Variants in GALNT13 observed in about 807,000 individuals in gnomAD.
GALNT13 encodes the protein UDP-GalNAc:polypeptide N-acetylgalactosaminyltransferase 13.
Under a neutral mutation model 64.2 loss-of-function variants are expected in GALNT13, and 28 were observed. The observed-to-expected ratio is 0.44, with a 90% confidence interval of 0.32 to 0.60. GALNT13 has a LOEUF of 0.60. Among genes scored for constraint, GALNT13 ranks in the 20% least tolerant of loss-of-function variants. The probability of loss-of-function intolerance (pLI) is 0.05; values close to 1 mark genes in which losing one functional copy is unlikely to be tolerated. For missense variants in GALNT13, 577 were observed against 669.8 expected (o/e 0.86, Z 1.53); for synonymous variants, 214 against 224.6 (o/e 0.95, Z 0.42).
intron 3 of GALNT13, among the ~76,000 whole-genome samples, chr2:154,086,618 A>C (rs902633130): frequency 2.0e-5 from 3 of 151,932 alleles, no homozygotes; most frequent in African/African-American, 7.2e-5. Flanking sequence ...TCTATCCATT[A>C]GAGGATTTAC....
At chr2:153,440,907 C>A in the GALNT13 span, among the ~76,000 whole-genome samples, 39 of 152,188 alleles carry the variant, frequency 2.6e-4, no homozygotes, top group East Asian at 7.0e-3. Context: ...TACCTCTTCA[C>A]TCTGATGATA....
At chr2:154,213,295 G>A (rs1687877526) in intron 4 of GALNT13, among the ~76,000 whole-genome samples, 1 of 152,016 alleles carries the variant, frequency 6.6e-6, no homozygotes, top group South Asian at 2.1e-4. Context: ...GCCCAGGCTG[G>A]TCTTGAACTC....
chr2:153,378,538 C>T, the GALNT13 span, among the ~76,000 whole-genome samples: 124 of 152,192 alleles, frequency 8.1e-4, 1 homozygote, highest in African/African-American at 2.8e-3. Flanking sequence ...CTCCGTAGGT[C>T]ACTTAAATTC....
the GALNT13 span, among the ~76,000 whole-genome samples, chr2:153,149,948 C>T: frequency 6.6e-6 from 1 of 151,646 alleles, no homozygotes; most frequent in Non-Finnish European, 1.5e-5. Flanking sequence ...AAAATAATGT[C>T]TTTGAGGCTA....
chr2:153,474,888 A>AT, the GALNT13 span, among the ~76,000 whole-genome samples: 117,261 of 151,424 alleles, frequency 0.77, 46,164 homozygotes, highest in Middle Eastern at 0.89. Flanking sequence ...CCTGCCTGTT[A>AT]AATTTATGTA....
At chr2:153,954,992 T>TA (rs556678475) in intron 3 of GALNT13, among the ~76,000 whole-genome samples, 171 of 140,432 alleles carry the variant, frequency 1.2e-3, no homozygotes, top group Non-Finnish European at 1.5e-3. Flanking sequence ...TGACTTCGGG[T>TA]AAAAAAAAAA....
At chr2:154,068,459 A>G (rs566404718) in intron 3 of GALNT13, among the ~76,000 whole-genome samples, 2 of 151,990 alleles carry the variant, frequency 1.3e-5, no homozygotes. Flanking sequence ...AGTGGAAGCA[A>G]CCTAAGTGCT....
At chr2:153,878,491 G>A (rs999889138) in intron 1 of GALNT13, among the ~76,000 whole-genome samples, 3 of 152,088 alleles carry the variant, frequency 2.0e-5, no homozygotes, top group Non-Finnish European at 4.4e-5. Context: ...AATAAAATTT[G>A]GACCTAGGAA....
chr2:154,233,546 A>G (rs1323516495), intron 4 of GALNT13, among the ~76,000 whole-genome samples: 1 of 152,216 alleles, frequency 6.6e-6, no homozygotes, highest in Non-Finnish European at 1.5e-5. Flanking sequence ...AAGCCTTATC[A>G]TAGTTCTGAT....
At chr2:153,848,818 A>G in the GALNT13 span, among the ~76,000 whole-genome samples, 1 of 151,856 alleles carries the variant, frequency 6.6e-6, no homozygotes, top group Admixed American at 6.5e-5. Context: ...TTGATTCAAT[A>G]TTGAAAACCT....
chr2:154,068,783 T>G (rs1423388511), intron 3 of GALNT13, among the ~76,000 whole-genome samples: 4 of 151,976 alleles, frequency 2.6e-5, no homozygotes, highest in Non-Finnish European at 5.9e-5. Flanking sequence ...TATAGTTAGA[T>G]AGAATGAATA....
At chr2:153,926,759 A>G (rs1690165195) in intron 2 of GALNT13, among the ~76,000 whole-genome samples, 1 of 152,126 alleles carries the variant, frequency 6.6e-6, no homozygotes, top group Non-Finnish European at 1.5e-5. Context: ...TCACGTACAC[A>G]TCGGCACAAA....
chr2:153,892,383 G>C (rs2105270485), intron 1 of GALNT13, among the ~76,000 whole-genome samples: 1 of 152,028 alleles, frequency 6.6e-6, no homozygotes, highest in African/African-American at 2.4e-5. Flanking sequence ...ATAATCTCTT[G>C]CAATGATAAT....
intron 8 of GALNT13, among the ~76,000 whole-genome samples, chr2:154,291,433 A>G (rs922986377): frequency 1.3e-5 from 2 of 152,146 alleles, no homozygotes; most frequent in South Asian, 2.1e-4. Flanking sequence ...AGCTAGACAG[A>G]AAAGTTCTCC....
chr2:153,573,489 C>T, the GALNT13 span, among the ~76,000 whole-genome samples: 1 of 151,854 alleles, frequency 6.6e-6, no homozygotes, highest in South Asian at 2.1e-4. Context: ...TGTTTTGTTA[C>T]TCGTTTTCTG....
chr2:154,254,042 G>GC (rs903233659), intron 7 of GALNT13, among the ~76,000 whole-genome samples: 2 of 152,172 alleles, frequency 1.3e-5, no homozygotes, highest in Non-Finnish European at 2.9e-5. Context: ...GATTGAGGGA[G>GC]CAGGGGGACG....
At chr2:153,591,849 C>T in the GALNT13 span, among the ~76,000 whole-genome samples, 13 of 152,016 alleles carry the variant, frequency 8.6e-5, no homozygotes, top group Non-Finnish European at 1.6e-4. Flanking sequence ...AACTAAAAAA[C>T]TTCTGCAAAG....
chr2:153,129,086 C>T, the GALNT13 span, among the ~76,000 whole-genome samples: 1 of 152,106 alleles, frequency 6.6e-6, no homozygotes, highest in African/African-American at 2.4e-5. Flanking sequence ...GTTGGGAATC[C>T]ACGAATACTG....
chr2:154,154,806 A>T (rs1315710361), intron 4 of GALNT13, among the ~76,000 whole-genome samples: 1 of 152,100 alleles, frequency 6.6e-6, no homozygotes, highest in African/African-American at 2.4e-5. Flanking sequence ...AGTAAAAATT[A>T]TCCTAAGTAT....
Sources: gnomAD v4.1 joint callset for allele counts (sites outside exome capture counted in the v4.1 genomes callset) on GRCh38, gnomAD v4.1.1 for gene constraint, MANE v1.5 for transcripts, NCBI Gene and HGNC (gene_info 2026-07-23, HGNC 2026-07-21) for gene names.